Variants in SNX29 observed in about 807,000 individuals in gnomAD.
SNX29 encodes sorting nexin-29.
SNX29 carries 78 observed loss-of-function variants against 102.1 expected under a neutral mutation model. The ratio of observed to expected loss-of-function variants is 0.76; its 90% CI spans 0.64 to 0.92. The LOEUF is 0.92. Ranked by LOEUF, SNX29 falls within the 40% of genes least tolerant of loss-of-function variation. The pLI, the probability that SNX29 is intolerant of heterozygous loss-of-function variation, is 0.00. For synonymous variants in SNX29, 580 were observed against 414.5 expected (o/e 1.40, Z -4.85); for missense variants, 1,280 against 1,061.7 (o/e 1.21, Z -2.86).
At chr16:12,526,475 T>C in intron 20 of SNX29, 2 of 480,316 alleles carry the variant, frequency 4.2e-6, no homozygotes, top group East Asian at 9.6e-5. Context: ...TGATAAGAGG[T>C]GCCTTTTTGT....
intron 19 of SNX29, among the ~76,000 whole-genome samples, chr16:12,514,995 T>C (rs1002075833): frequency 1.3e-5 from 2 of 151,960 alleles, no homozygotes; most frequent in African/African-American, 4.8e-5. Flanking sequence ...ATAAATGAAA[T>C]GATGCTTAAG....
chr16:12,214,937 G>A (rs1038558436), intron 14 of SNX29, among the ~76,000 whole-genome samples: 1 of 152,158 alleles, frequency 6.6e-6, no homozygotes, highest in African/African-American at 2.4e-5. Context: ...AGGATATAAG[G>A]TCATGAGAGT....
intron 5 of SNX29, among the ~76,000 whole-genome samples, chr16:12,044,697 GC>G (rs1194273892): frequency 6.6e-6 from 1 of 152,148 alleles, no homozygotes; most frequent in African/African-American, 2.4e-5. Context: ...TCCTGCCTCA[GC>G]CTCCCGAGTA....
chr16:12,571,936 A>T lies in SNX29; in HGVS notation c.*3307A>T, dbSNP rs961070748. ...CTGGCAGGCCCTGGTGAAGGAAGAC[A>T]CTTTCAGGGAAGAGGCTCTTACAGT... On this transcript the variant is annotated 3_prime_UTR_variant, in exon 21 of 21. Transcript: ENST00000566228. 1 of 1,061,932 alleles carries T rather than the reference A, an allele frequency of 9.4e-7. No individual in the cohort carries two copies. Among genetic ancestry groups the T allele is most frequent in the Non-Finnish European group, 1.1e-6 (1 of 877,138 alleles). The allele number at this position is 1,061,932 out of a possible 1,614,324, so 65.8% of individuals were successfully genotyped here. A position where few individuals can be genotyped will look rare whatever the true frequency, so the allele number is the denominator to read the frequency against.
Position 12,441,755 on chromosome 16 carries a change from A to C in SNX29, c.2038-35964A>C, listed in dbSNP as rs1197429081. On this transcript the variant is annotated intron_variant, in intron 18 of 20. Transcript: ENST00000566228. Reference sequence around the variant, plus strand: ...TTCTTCTGAGAGTTTTATAGTTTCAACTCTTAAATTTAGTTATTTGATCCA... The same window carrying C: ...TTCTTCTGAGAGTTTTATAGTTTCACCTCTTAAATTTAGTTATTTGATCCA... Among the ~76,000 whole-genome samples, 47 of 151,560 alleles carry C rather than the reference A, an allele frequency of 3.1e-4. 1 individual carries two copies. Among genetic ancestry groups the C allele is most frequent in the Admixed American group, 3.1e-3 (47 of 15,190 alleles).
intron 11 of SNX29, among the ~76,000 whole-genome samples, chr16:12,091,886 G>A (rs150185882): frequency 6.6e-6 from 1 of 151,980 alleles, no homozygotes; most frequent in East Asian, 1.9e-4. Flanking sequence ...ACCCTCACCA[G>A]ATCCCGAATC....
Position 12,572,026 on chromosome 16 carries a change from G to GGGATCATCC in SNX29, c.*3398_*3406dup. On this transcript the variant is annotated 3_prime_UTR_variant, in exon 21 of 21. Coordinates refer to ENST00000566228, the MANE Select transcript of SNX29 (RefSeq NM_032167.5). ...ATCTAGGGAGCTGCTGGCTATAAAA[G>GGGATCATCC]GGATCATCCAGTGGAGTTGTAAACA... 1.9e-6 allele frequency: 2 copies of GGGATCATCC among 1,063,028 alleles called. No individual in the cohort carries two copies. Among genetic ancestry groups the GGGATCATCC allele is most frequent in the South Asian group, 9.1e-5 (2 of 21,956 alleles). 65.8% of individuals were successfully genotyped at this position (1,063,028 alleles called of 1,614,324 possible).
In SNX29 at chr16:12,569,882, G is replaced by C. The variant is rs1002340290; in HGVS notation, c.*1253G>C. The C allele has an allele frequency of 1.3e-5, 3 of 231,306 alleles. No homozygotes were observed. The highest frequency in any genetic ancestry group is 2.6e-5 in the Non-Finnish European group (3 of 116,946). 14.3% of individuals were successfully genotyped at this position (231,306 alleles called of 1,614,324 possible). ...AAATGGACTATGCAAGAGTAAGTTT[G>C]TGTGTTTCGCCTTAATCTGAGGCAG... is the stretch of plus-strand genomic sequence containing the variant. On this transcript the variant is annotated 3_prime_UTR_variant, in exon 21 of 21. Coordinates refer to ENST00000566228, the MANE Select transcript of SNX29 (RefSeq NM_032167.5).
intron 13 of SNX29, among the ~76,000 whole-genome samples, chr16:12,137,294 G>A (rs1487896715): frequency 6.6e-6 from 1 of 152,180 alleles, no homozygotes; most frequent in Admixed American, 6.6e-5. Context: ...GGTGGCTGGG[G>A]ATGCTGAGGC....
intron 18 of SNX29, among the ~76,000 whole-genome samples, chr16:12,423,437 T>G (rs1567548163): frequency 6.6e-6 from 1 of 152,186 alleles, no homozygotes; most frequent in South Asian, 2.1e-4. Context: ...GAGCCTCCCC[T>G]CCAGCTCAGG....
At chr16:12,257,893 C>T (rs890869863) in intron 14 of SNX29, among the ~76,000 whole-genome samples, 3 of 152,214 alleles carry the variant, frequency 2.0e-5, no homozygotes, top group African/African-American at 2.4e-5. Context: ...TGTGTTTTTC[C>T]GCAGACTTTG....
chr16:12,192,104 G>C (rs1159207466), intron 13 of SNX29, among the ~76,000 whole-genome samples: 2 of 152,186 alleles, frequency 1.3e-5, no homozygotes, highest in Admixed American at 6.5e-5. Flanking sequence ...GTGCTGTCTG[G>C]GGTTGCTGGT....
chr16:12,354,987 G>T (rs912051388), intron 15 of SNX29, among the ~76,000 whole-genome samples: 2 of 152,140 alleles, frequency 1.3e-5, no homozygotes, highest in South Asian at 4.1e-4. Flanking sequence ...ACAGAAGGGG[G>T]TACCTTTGGA....
chr16:12,155,993 T>A (rs2141624488), intron 13 of SNX29, among the ~76,000 whole-genome samples: 1 of 152,354 alleles, frequency 6.6e-6, no homozygotes, highest in East Asian at 1.9e-4. Flanking sequence ...CATCTCTCTC[T>A]GCTCCTCCGA....
intron 18 of SNX29, among the ~76,000 whole-genome samples, chr16:12,442,703 AC>A (rs1320900672): frequency 1.3e-5 from 2 of 151,500 alleles, no homozygotes; most frequent in African/African-American, 2.4e-5. Context: ...TGATCCTCCC[AC>A]CTCAACCTCT....
intron 13 of SNX29, among the ~76,000 whole-genome samples, chr16:12,136,076 G>A (rs2054648306): frequency 6.6e-6 from 1 of 152,326 alleles, no homozygotes; most frequent in South Asian, 2.1e-4. Flanking sequence ...TCTCACTGGG[G>A]CCAGCCTTGC....
chr16:12,323,283 A>C (rs2081014774), intron 15 of SNX29, among the ~76,000 whole-genome samples: 1 of 149,964 alleles, frequency 6.7e-6, no homozygotes, highest in African/African-American at 2.4e-5. Flanking sequence ...TGGCATTTTA[A>C]TGTCGTTACT....
In SNX29 at chr16:12,365,699, A is replaced by T. The variant is rs184174532; in HGVS notation, c.1899+9420A>T. Among the ~76,000 whole-genome samples the T allele has an allele frequency of 3.3e-5, 5 of 150,424 alleles. No homozygotes were observed. The East Asian group carries it at 9.9e-4, about 30-fold the overall frequency. Reference sequence around the variant, plus strand: ...GAGCAAGACTCCATCTCCAAAAAAAAAAAAGGCTCTTTGGAAACTTGTAAT... The same window carrying T: ...GAGCAAGACTCCATCTCCAAAAAAATAAAAGGCTCTTTGGAAACTTGTAAT... On this transcript the variant is annotated intron_variant, in intron 16 of 20. Coordinates refer to ENST00000566228, the MANE Select transcript of SNX29 (RefSeq NM_032167.5).
At position 12,477,726 on chromosome 16, in the gene SNX29, T is replaced by C; in HGVS notation, c.2045T>C (p.Ile682Thr). 1 of 1,611,840 alleles carries C rather than the reference T, an allele frequency of 6.2e-7. No individual in the cohort carries two copies. The highest frequency in any genetic ancestry group is 8.5e-7 in the Non-Finnish European group (1 of 1,179,372). The change falls in exon 19 of 21, where the codon ATC becomes ACC. Residue 682 changes from isoleucine (I) to threonine (T), a missense_variant. By Grantham distance (89) the Ile-to-Thr change is moderately conservative. Coordinates refer to ENST00000566228, the MANE Select transcript of SNX29 (RefSeq NM_032167.5). ...ANAFHVYQVY[I>T]RIKDDEWNIY... ...TTTTCTCTTTCTTGACAGGTCTACA[T>C]CCGGATAAAAGACGATGAATGGAAT...
Sources: gnomAD v4.1 joint callset for allele counts (sites outside exome capture counted in the v4.1 genomes callset) on GRCh38, gnomAD v4.1.1 for gene constraint, MANE v1.5 for transcripts, NCBI Gene and HGNC (gene_info 2026-07-23, HGNC 2026-07-21) for gene names.